Variants in SLC7A2 observed in about 807,000 individuals in gnomAD.
The protein encoded by SLC7A2 is solute carrier family 7 member 2.
A neutral mutation model predicts 58.9 loss-of-function variants in SLC7A2; 48 were observed. The ratio of observed to expected loss-of-function variants is 0.82; its 90% CI spans 0.65 to 1.04. The LOEUF is 1.04. Among genes scored for constraint, SLC7A2 ranks in the 50% least tolerant of loss-of-function variants. The probability of loss-of-function intolerance (pLI) is 0.00; values close to 1 mark genes in which losing one functional copy is unlikely to be tolerated. For synonymous variants in SLC7A2, 363 were observed against 314.5 expected (o/e 1.15, Z -1.63); for missense variants, 1,029 against 818.8 (o/e 1.26, Z -3.13).
upstream of SLC7A2, among the ~76,000 whole-genome samples, chr8:17,495,023 C>T (rs187362082): frequency 3.6e-3 from 544 of 152,320 alleles, 2 homozygotes; most frequent in African/African-American, 0.013. Context: ...TATCCCAAAT[C>T]ATTGTGTTGT....
In SLC7A2 at chr8:17,550,358, T is replaced by C. The variant is rs1802389660; in HGVS notation, c.756T>C (p.Tyr252=). The C allele has an allele frequency of 6.2e-7, 1 of 1,614,076 alleles. No homozygotes were observed. Among genetic ancestry groups the C allele is most frequent in the South Asian group, 1.1e-5 (1 of 91,092 alleles). Reference sequence around the variant, plus strand: ...ATGGGGCTGGTGGCTTTATGCCTTATGGCTTTACGGGAACGTTGGCTGGTG... The same window carrying C: ...ATGGGGCTGGTGGCTTTATGCCTTACGGCTTTACGGGAACGTTGGCTGGTG... The part of the protein sequence containing the change: ...SIYGAGGFMP[Y]GFTGTLAGAA... The change falls in exon 6 of 13, where the codon TAT becomes TAC. Residue 252 remains tyrosine (Y), a synonymous_variant. Coordinates refer to ENST00000494857, the MANE Select transcript of SLC7A2 (RefSeq NM_001370338.1).
chr8:17,517,857 G>C (rs965674007), intron 2 of SLC7A2, among the ~76,000 whole-genome samples: 1 of 152,090 alleles, frequency 6.6e-6, no homozygotes, highest in Non-Finnish European at 1.5e-5. Context: ...CTAGCATTCT[G>C]TTTCTCACTG....
chr8:17,556,328 T>A (rs1802701116), intron 8 of SLC7A2, among the ~76,000 whole-genome samples: 1 of 151,790 alleles, frequency 6.6e-6, no homozygotes, highest in Non-Finnish European at 1.5e-5. Context: ...GCAGAATTTT[T>A]AAAAGCTTAT....
rs535063920 is a variant in SLC7A2 at position 17,535,473 on chromosome 8, A to G, written c.-22-7845A>G. Reference sequence around the variant, plus strand: ...ATAGCTGTCTCATATTGCAATGGCCATCATCTGTGTGTCTGTGCAACTGCA... The same window carrying G: ...ATAGCTGTCTCATATTGCAATGGCCGTCATCTGTGTGTCTGTGCAACTGCA... On this transcript the variant is annotated intron_variant, in intron 2 of 12. Transcript: ENST00000494857. Among the ~76,000 whole-genome samples, 47 of 152,286 alleles carry G rather than the reference A, an allele frequency of 3.1e-4. 1 individual carries two copies. Among genetic ancestry groups the G allele is most frequent in the African/African-American group, 1.1e-3 (45 of 41,564 alleles).
intron 9 of SLC7A2, among the ~76,000 whole-genome samples, chr8:17,559,924 A>G (rs982733848): frequency 5.3e-5 from 8 of 152,216 alleles, no homozygotes; most frequent in African/African-American, 1.9e-4. Context: ...GATTGTGATG[A>G]GGCCTTTGAA....
At position 17,565,024 on chromosome 8, in the gene SLC7A2, G is replaced by C. The variant is rs747875628; in HGVS notation, c.1855G>C (p.Asp619His). ...TCTGAGAGATGAAAACAATGAAGAA[G>C]ATGCTTATCCAGACAACGTTCATGC... ...GHLRDENNEE[D>H]AYPDNVHAAA... Residue 619 changes from aspartate to histidine, a missense_variant, in exon 13 of 13, where the codon GAT becomes CAT. By Grantham distance (81) the Asp-to-His change is moderately conservative. Coordinates refer to ENST00000494857, the MANE Select transcript of SLC7A2 (RefSeq NM_001370338.1). The C allele has an allele frequency of 1.2e-6, 2 of 1,613,710 alleles. No homozygotes were observed. The highest frequency in any genetic ancestry group is 2.2e-5 in the South Asian group (2 of 91,050).
At chr8:17,540,858 C>G (rs888667287) in intron 2 of SLC7A2, among the ~76,000 whole-genome samples, 3 of 152,128 alleles carry the variant, frequency 2.0e-5, no homozygotes, top group African/African-American at 7.2e-5. Context: ...CCGAATCTGT[C>G]CTTTGTTTTC....
chr8:17,564,482 G>A (rs183586452), intron 12 of SLC7A2, among the ~76,000 whole-genome samples: 79 of 152,192 alleles, frequency 5.2e-4, no homozygotes, highest in Admixed American at 3.0e-3. Context: ...CTAAAGCAGC[G>A]GTCCCCAACC....
At chr8:17,495,019 A>T (rs368074966), upstream of SLC7A2, among the ~76,000 whole-genome samples, 16 of 152,378 alleles carry the variant, frequency 1.1e-4, no homozygotes, top group South Asian at 3.3e-3. Context: ...TGTTTATCCC[A>T]AATCATTGTG....
At chr8:17,534,386 C>T (rs1305975758) in intron 2 of SLC7A2, among the ~76,000 whole-genome samples, 1 of 152,104 alleles carries the variant, frequency 6.6e-6, no homozygotes, top group Non-Finnish European at 1.5e-5. Flanking sequence ...ATGAGCAGTT[C>T]GGACCCCTGT....
intron 2 of SLC7A2, among the ~76,000 whole-genome samples, chr8:17,519,748 G>C (rs1327503214): frequency 6.6e-6 from 1 of 152,164 alleles, no homozygotes; most frequent in African/African-American, 2.4e-5. Flanking sequence ...GAGGATGAAA[G>C]TTTCTTTGGG....
intron 2 of SLC7A2, among the ~76,000 whole-genome samples, chr8:17,512,620 G>T (rs1585190989): frequency 2.2e-5 from 2 of 91,222 alleles, no homozygotes; most frequent in South Asian, 6.4e-4. Flanking sequence ...CCTCATGGTG[G>T]GTTTTTTTCC....
Position 17,514,883 on chromosome 8 carries a change from T to C in SLC7A2, c.-23+12581T>C, listed in dbSNP as rs1032689636. On this transcript the variant is annotated intron_variant, in intron 2 of 12. Coordinates refer to ENST00000494857, the MANE Select transcript of SLC7A2 (RefSeq NM_001370338.1). ...GATAAAATCTTCTCTTAGTTTAGAA[T>C]ATGAATATTTCTGGTATTTGATACT... Among the ~76,000 whole-genome samples the C allele has an allele frequency of 3.9e-5, 6 of 152,146 alleles. No individual in the cohort carries two copies. In the South Asian group the frequency reaches 6.2e-4, roughly 16 times the overall value.
At chr8:17,506,007 T>G (rs773586813) in intron 2 of SLC7A2, among the ~76,000 whole-genome samples, 7 of 152,266 alleles carry the variant, frequency 4.6e-5, no homozygotes, top group Non-Finnish European at 7.3e-5. Flanking sequence ...ATTTAGCTAC[T>G]GAAAAATTAT....
chr8:17,553,214 G>T (rs1445662524), intron 7 of SLC7A2, among the ~76,000 whole-genome samples: 1 of 152,094 alleles, frequency 6.6e-6, no homozygotes, highest in East Asian at 1.9e-4. Context: ...ACCATACCTG[G>T]TTAATTTTTT....
intron 10 of SLC7A2, among the ~76,000 whole-genome samples, chr8:17,561,506 C>G (rs970050873): frequency 1.3e-5 from 2 of 152,128 alleles, no homozygotes; most frequent in African/African-American, 2.4e-5. Flanking sequence ...ATGGGAGCCA[C>G]AATTCAAAAT....
intron 8 of SLC7A2, chr8:17,555,106 C>T (rs762550428): frequency 3.7e-5 from 60 of 1,611,668 alleles, no homozygotes; most frequent in Admixed American, 6.7e-5. Context: ...ACTTAGGTTT[C>T]TTGAGCATTA....
At chr8:17,512,862 C>G (rs1384015956) in intron 2 of SLC7A2, among the ~76,000 whole-genome samples, 1 of 152,178 alleles carries the variant, frequency 6.6e-6, no homozygotes, top group African/African-American at 2.4e-5. Flanking sequence ...GCTCTAGGAA[C>G]TTTATACATG....
chr8:17,567,788 G>A lies in SLC7A2; in HGVS notation c.*2642G>A, dbSNP rs757173096. ...ATATTTCCTATAGACTCTTTAAGAC[G>A]TATTTATAATGTTTCTAATATGAAA... On this transcript the variant is annotated 3_prime_UTR_variant, in exon 13 of 13. Coordinates refer to ENST00000494857, the MANE Select transcript of SLC7A2 (RefSeq NM_001370338.1). The A allele has an allele frequency of 1.4e-5, 2 of 147,856 alleles. No individual in the cohort carries two copies. Among genetic ancestry groups the A allele is most frequent in the African/African-American group, 2.4e-5 (1 of 41,174 alleles). The allele number at this position is 147,856 out of a possible 1,614,324, so 9.2% of individuals were successfully genotyped here. A position where few individuals can be genotyped will look rare whatever the true frequency, so the allele number is the denominator to read the frequency against.
Sources: allele counts gnomAD v4.1 joint callset (sites outside exome capture counted in the v4.1 genomes callset), GRCh38; gene constraint gnomAD v4.1.1; transcripts MANE v1.5; gene names NCBI Gene and HGNC (gene_info 2026-07-23, HGNC 2026-07-21).